Variants in GALNT13 observed in about 807,000 individuals in gnomAD.
GALNT13 encodes the protein polypeptide N-acetylgalactosaminyltransferase 13, also known as UDP-GalNAc:polypeptide N-acetylgalactosaminyltransferase 13.
Under a neutral mutation model 64.2 loss-of-function variants are expected in GALNT13, and 28 were observed. That is an observed-to-expected ratio of 0.44 (90% CI 0.32 to 0.60). The LOEUF (loss-of-function observed/expected upper bound fraction) is 0.60, where lower values mean the gene tolerates loss of function less well. GALNT13 is among the 20% of genes least tolerant of loss of function. The probability of loss-of-function intolerance (pLI) is 0.05; values close to 1 mark genes in which losing one functional copy is unlikely to be tolerated. For missense variants in GALNT13, 577 were observed against 669.8 expected (o/e 0.86, Z 1.53); for synonymous variants, 214 against 224.6 (o/e 0.95, Z 0.42).
chr2:153,136,787 A>G, the GALNT13 span, among the ~76,000 whole-genome samples: 2 of 150,992 alleles, frequency 1.3e-5, no homozygotes, highest in African/African-American at 4.9e-5. Context: ...AATAGGGAGG[A>G]TGTGTGGGTT....
At chr2:153,497,340 T>C in the GALNT13 span, among the ~76,000 whole-genome samples, 5 of 152,086 alleles carry the variant, frequency 3.3e-5, no homozygotes, top group African/African-American at 1.2e-4. Flanking sequence ...CTGGTGTCTG[T>C]TGCCTAATTC....
intron 4 of GALNT13, among the ~76,000 whole-genome samples, chr2:154,174,681 A>C (rs1270219467): frequency 6.6e-6 from 1 of 152,186 alleles, no homozygotes; most frequent in African/African-American, 2.4e-5. Context: ...ATGTAAGGAT[A>C]TACAGGAAAC....
intron 3 of GALNT13, among the ~76,000 whole-genome samples, chr2:154,121,303 G>C (rs952872969): frequency 6.6e-5 from 10 of 152,078 alleles, no homozygotes; most frequent in African/African-American, 2.4e-4. Flanking sequence ...TTTCTATTTT[G>C]CTATCTTGCT....
At chr2:153,697,046 T>A in the GALNT13 span, among the ~76,000 whole-genome samples, 9 of 152,206 alleles carry the variant, frequency 5.9e-5, no homozygotes, top group African/African-American at 2.2e-4. Flanking sequence ...CAGAAGCCTT[T>A]ATGTGTTTCC....
In GALNT13 at chr2:154,332,859, G is replaced by A. The variant is rs114031598; in HGVS notation, c.1156+31270G>A. Among the ~76,000 whole-genome samples the A allele has an allele frequency of 7.8e-3, 1,186 of 152,210 alleles. 13 individuals are homozygous for A. Among genetic ancestry groups the A allele is most frequent in the African/African-American group, 0.027 (1,128 of 41,550 alleles). On this transcript the variant is annotated intron_variant, in intron 9 of 12. Coordinates refer to ENST00000392825, the MANE Select transcript of GALNT13 (RefSeq NM_052917.4). ...AAGAATAAGAAATCTATCTTCTCATGTACATATTTTCACTACTTTCAGTTA... is the reference window on the plus strand; with the variant it reads ...AAGAATAAGAAATCTATCTTCTCATATACATATTTTCACTACTTTCAGTTA...
the GALNT13 span, among the ~76,000 whole-genome samples, chr2:153,240,702 T>G: frequency 9.2e-5 from 14 of 152,290 alleles, no homozygotes; most frequent in South Asian, 4.1e-4. Context: ...CCTATCACAT[T>G]GTGTCTGTCT....
chr2:154,332,412 C>T (rs908146362), intron 9 of GALNT13, among the ~76,000 whole-genome samples: 2 of 152,008 alleles, frequency 1.3e-5, no homozygotes, highest in African/African-American at 2.4e-5. Flanking sequence ...TGATTCTGCC[C>T]CTTGCTATCC....
At chr2:153,541,158 C>T in the GALNT13 span, among the ~76,000 whole-genome samples, 1 of 151,826 alleles carries the variant, frequency 6.6e-6, no homozygotes, top group African/African-American at 2.4e-5. Flanking sequence ...AGGTGTTGTT[C>T]CCCCACCCTG....
At chr2:153,614,265 ATACT>A in the GALNT13 span, among the ~76,000 whole-genome samples, 1 of 152,046 alleles carries the variant, frequency 6.6e-6, no homozygotes, top group East Asian at 1.9e-4. Context: ...AGTTTATACA[ATACT>A]TACCTTATAG....
intron 3 of GALNT13, among the ~76,000 whole-genome samples, chr2:154,102,950 CT>C (rs1702424017): frequency 1.3e-5 from 2 of 151,946 alleles, no homozygotes; most frequent in Admixed American, 1.3e-4. Context: ...ATAGGTACTG[CT>C]GTTTGCTTTG....
chr2:154,046,484 A>G (rs577750817), intron 3 of GALNT13, among the ~76,000 whole-genome samples: 2 of 152,288 alleles, frequency 1.3e-5, no homozygotes, highest in Non-Finnish European at 2.9e-5. Context: ...TCTTTTGTCT[A>G]ATACCTAACA....
the GALNT13 span, among the ~76,000 whole-genome samples, chr2:153,762,805 T>C: frequency 6.6e-6 from 1 of 150,808 alleles, no homozygotes; most frequent in East Asian, 2.0e-4. Context: ...GTCTTCTGCT[T>C]GTGTTTTATA....
chr2:154,312,166 A>T (rs889308714), intron 9 of GALNT13, among the ~76,000 whole-genome samples: 65 of 151,216 alleles, frequency 4.3e-4, no homozygotes, highest in Non-Finnish European at 7.8e-4. Flanking sequence ...TTTACAATTT[A>T]TGTTTAGAGA....
the GALNT13 span, among the ~76,000 whole-genome samples, chr2:153,695,114 T>G: frequency 1.3e-5 from 2 of 152,144 alleles, no homozygotes; most frequent in African/African-American, 4.8e-5. Context: ...TAATGACAAG[T>G]TATAACAACA....
At chr2:153,322,011 C>T in the GALNT13 span, among the ~76,000 whole-genome samples, 1 of 150,276 alleles carries the variant, frequency 6.7e-6, no homozygotes, top group South Asian at 2.1e-4. Context: ...AATTTAAGTA[C>T]GGAAAAACTA....
chr2:153,184,558 A>G, the GALNT13 span, among the ~76,000 whole-genome samples: 72 of 152,298 alleles, frequency 4.7e-4, no homozygotes, highest in African/African-American at 1.7e-3. Flanking sequence ...TTCAAGGGGA[A>G]TGCTTTCAGC....
the GALNT13 span, among the ~76,000 whole-genome samples, chr2:153,411,612 A>C: frequency 2.0e-5 from 3 of 152,132 alleles, no homozygotes; most frequent in Non-Finnish European, 4.4e-5. Flanking sequence ...GCATGAGATG[A>C]AACTGGAGGG....
chr2:154,444,814 G>T (rs1701482291), intron 12 of GALNT13, among the ~76,000 whole-genome samples: 1 of 151,942 alleles, frequency 6.6e-6, no homozygotes, highest in African/African-American at 2.4e-5. Flanking sequence ...AAATTGGAAA[G>T]ATATTCCCTG....
At chr2:153,892,367 A>G (rs1361480185) in intron 1 of GALNT13, among the ~76,000 whole-genome samples, 1 of 152,064 alleles carries the variant, frequency 6.6e-6, no homozygotes, top group African/African-American at 2.4e-5. Flanking sequence ...ATATAAAAAT[A>G]TTAACATAAT....
Sources: allele counts gnomAD v4.1 joint callset (sites outside exome capture counted in the v4.1 genomes callset), GRCh38; gene constraint gnomAD v4.1.1; transcripts MANE v1.5; gene names NCBI Gene and HGNC (gene_info 2026-07-23, HGNC 2026-07-21).